The following ZNF557 variants were observed in gnomAD, a reference collection of about 807,000 sequenced individuals.
ZNF557 encodes CTB-25J19.9.
In ZNF557, 19 loss-of-function variants were observed where a neutral mutation model predicts 21.2. That is an observed-to-expected ratio of 0.90 (90% CI 0.63 to 1.32). The LOEUF is 1.32. ZNF557 is among the 40% of genes most tolerant of loss of function. The pLI is 0.00. For synonymous variants in ZNF557, 207 were observed against 194.8 expected (o/e 1.06, Z -0.52); for missense variants, 487 against 519.8 (o/e 0.94, Z 0.61).
intron 2 of ZNF557, among the ~76,000 whole-genome samples, chr19:7,071,824 A>AAAAAACCG (rs1977466352): frequency 7.6e-6 from 1 of 131,390 alleles, no homozygotes; most frequent in African/African-American, 2.9e-5. Flanking sequence ...AAAAAAAAAA[A>AAAAAACCG]GCTGGGCATG....
intron 5 of ZNF557, among the ~76,000 whole-genome samples, 164 bp from the exon 6 acceptor site, chr19:7,081,196 T>TGA (rs1977697032): frequency 2.6e-5 from 1 of 38,478 alleles, no homozygotes; most frequent in Non-Finnish European, 4.8e-5. Context: ...TGTGTGTGTG[T>TGA]GTGTGAGTGT....
chr19:7,079,672 T>A (rs1977662447), intron 5 of ZNF557, among the ~76,000 whole-genome samples: 3 of 152,238 alleles, frequency 2.0e-5, no homozygotes, highest in African/African-American at 7.2e-5. Flanking sequence ...TGTTTCTTTG[T>A]TTAGTGACAT....
chr19:7,085,551 A>G lies in ZNF557; in HGVS notation c.*1807A>G, dbSNP rs1267083303. On this transcript the variant is annotated 3_prime_UTR_variant, in exon 8 of 8. Transcript: ENST00000252840. Reference sequence around the variant, plus strand: ...TATGTAAATGTTCCTTGGATGCAATACTCACGAGTGTATTAATTTCAGAAA... The same window carrying G: ...TATGTAAATGTTCCTTGGATGCAATGCTCACGAGTGTATTAATTTCAGAAA... 5 of 152,308 alleles carry G rather than the reference A, an allele frequency of 3.3e-5. No homozygotes were observed. The highest frequency in any genetic ancestry group is 1.2e-4 in the African/African-American group (5 of 41,570). 9.4% of individuals were successfully genotyped at this position (152,308 alleles called of 1,614,324 possible).
At chr19:7,071,799 C>CAGA (rs1977465421) in intron 2 of ZNF557, among the ~76,000 whole-genome samples, 3 of 55,022 alleles carry the variant, frequency 5.5e-5, no homozygotes, top group African/African-American at 2.3e-4. Flanking sequence ...GACTGCATCT[C>CAGA]AAAAAAAAAA....
chr19:7,079,463 A>C (rs901692928), intron 5 of ZNF557, among the ~76,000 whole-genome samples: 1 of 151,786 alleles, frequency 6.6e-6, no homozygotes, highest in Non-Finnish European at 1.5e-5. Context: ...GATGATCTCG[A>C]TCTCCTGACC....
At chr19:7,071,451 G>C (rs1977454996) in intron 2 of ZNF557, among the ~76,000 whole-genome samples, 1 of 152,200 alleles carries the variant, frequency 6.6e-6, no homozygotes, top group African/African-American at 2.4e-5. Context: ...CAAAGATTAA[G>C]ATCATTTCCA....
intron 5 of ZNF557, 47 bp from the exon 6 acceptor site, chr19:7,081,313 T>A (rs376535099): frequency 7.6e-7 from 1 of 1,310,552 alleles, no homozygotes. Flanking sequence ...GGAGAGCTTG[T>A]CTGCTGCACA....
At chr19:7,076,598 A>G in intron 5 of ZNF557, 91 bp downstream of exon 5, 2 of 1,527,056 alleles carry the variant, frequency 1.3e-6, no homozygotes, top group Non-Finnish European at 1.8e-6. Context: ...CAGGACACAA[A>G]AGTCACCATT....
chr19:7,082,168 C>T, intron 7 of ZNF557, 116 bp downstream of exon 7: 1 of 757,834 alleles, frequency 1.3e-6, no homozygotes, highest in East Asian at 2.7e-5. Flanking sequence ...TTAATCCCAG[C>T]ACCTTGGGAA....
At chr19:7,081,540 A>G in intron 6 of ZNF557, 85 bp downstream of exon 6, 1 of 921,956 alleles carries the variant, frequency 1.1e-6, no homozygotes, top group Non-Finnish European at 1.7e-6. Context: ...TACATTAGGA[A>G]ATATCAGTCA....
intron 2 of ZNF557, among the ~76,000 whole-genome samples, chr19:7,073,147 G>GT (rs1568405603): frequency 1.3e-5 from 1 of 74,414 alleles, no homozygotes; most frequent in African/African-American, 4.8e-5. Flanking sequence ...TTGTTTTTTT[G>GT]GTTTTTTTTG....
Position 7,083,498 on chromosome 19 carries a change from A to G in ZNF557, c.1047A>G (p.Thr349=), listed in dbSNP as rs781519626. 5.6e-6 allele frequency: 9 copies of G among 1,614,080 alleles called. No individual in the cohort carries two copies. The highest frequency in any genetic ancestry group is 5.3e-5 in the African/African-American group (4 of 74,936). Residue 349 remains threonine, a synonymous_variant, in exon 8 of 8, where the codon ACA becomes ACG. Coordinates refer to ENST00000252840, the MANE Select transcript of ZNF557 (RefSeq NM_024341.3). ...CTCATACTGGAGAAAAACCCTACACATGTAATGAGTGTGGGAAATCCTTTA... is the reference window on the plus strand; with the variant it reads ...CTCATACTGGAGAAAAACCCTACACGTGTAATGAGTGTGGGAAATCCTTTA... ...IRTHTGEKPY[T]CNECGKSFTN...
intron 4 of ZNF557, 81 bp downstream of exon 4, chr19:7,075,824 C>G: frequency 1.3e-6 from 2 of 1,561,632 alleles, no homozygotes; most frequent in South Asian, 2.3e-5. Context: ...GGCCTGGAGC[C>G]CCACGGCCAA....
Position 7,075,015 on chromosome 19 carries a change from T to C in ZNF557, c.-60T>C. The C allele has an allele frequency of 1.2e-6, 2 of 1,613,392 alleles. No homozygotes were observed. The highest frequency in any genetic ancestry group is 4.5e-5 in the East Asian group (2 of 44,878). Reference sequence around the variant, plus strand: ...TTCCAGGGTGCTGTCCTGAGAGCGCTGCGGGATAAAGGAGGAGCGTCCTGC... The same window carrying C: ...TTCCAGGGTGCTGTCCTGAGAGCGCCGCGGGATAAAGGAGGAGCGTCCTGC... On this transcript the variant is annotated 5_prime_UTR_variant, in exon 3 of 8. Coordinates refer to ENST00000252840, the MANE Select transcript of ZNF557 (RefSeq NM_024341.3).
intron 5 of ZNF557, among the ~76,000 whole-genome samples, chr19:7,078,111 T>C (rs1045534688): frequency 1.3e-5 from 2 of 152,326 alleles, no homozygotes; most frequent in African/African-American, 4.8e-5. Flanking sequence ...GCCTTTTTAC[T>C]ATCTTGAATG....
At chr19:7,079,458 T>G (rs1347358491) in intron 5 of ZNF557, among the ~76,000 whole-genome samples, 1 of 151,840 alleles carries the variant, frequency 6.6e-6, no homozygotes, top group Admixed American at 6.6e-5. Context: ...GCCAGGATGA[T>G]CTCGATCTCC....
chr19:7,079,463 A>G (rs901692928), intron 5 of ZNF557, among the ~76,000 whole-genome samples: 2 of 151,786 alleles, frequency 1.3e-5, no homozygotes, highest in African/African-American at 4.8e-5. Context: ...GATGATCTCG[A>G]TCTCCTGACC....
chr19:7,080,617 G>A (rs1977680711), intron 5 of ZNF557, among the ~76,000 whole-genome samples: 1 of 152,172 alleles, frequency 6.6e-6, no homozygotes, highest in African/African-American at 2.4e-5. Flanking sequence ...AGAATAAGGT[G>A]CATTCTGTTC....
intron 7 of ZNF557, among the ~76,000 whole-genome samples, chr19:7,082,563 T>C (rs1009000878): frequency 1.4e-4 from 22 of 152,194 alleles, no homozygotes; most frequent in African/African-American, 5.1e-4. Context: ...GCCCCAAACT[T>C]GTTTTTCCTG....
Sources: gnomAD v4.1 joint callset for allele counts (sites outside exome capture counted in the v4.1 genomes callset) on GRCh38, gnomAD v4.1.1 for gene constraint, MANE v1.5 for transcripts, NCBI Gene and HGNC (gene_info 2026-07-23, HGNC 2026-07-21) for gene names.